The following FAM161A variants were observed in gnomAD, a reference collection of about 807,000 sequenced individuals.
FAM161A encodes FAM161 centrosomal protein A, also known as protein FAM161A.
A neutral mutation model predicts 70.9 loss-of-function variants in FAM161A; 57 were observed. That is an observed-to-expected ratio of 0.80 (90% CI 0.65 to 1.00). The LOEUF is 1.00. Among genes scored for constraint, FAM161A ranks in the 50% least tolerant of loss-of-function variants. The pLI is 0.00. For synonymous variants in FAM161A, 299 were observed against 295.7 expected (o/e 1.01, Z -0.12); for missense variants, 880 against 836.0 (o/e 1.05, Z -0.65).
At chr2:61,837,871 A>C (rs1364353537) in intron 4 of FAM161A, among the ~76,000 whole-genome samples, 1 of 152,248 alleles carries the variant, frequency 6.6e-6, no homozygotes, top group Non-Finnish European at 1.5e-5. Flanking sequence ...ATTATAAAAG[A>C]ATACTCATTG....
the FAM161A span, among the ~76,000 whole-genome samples, chr2:61,807,694 C>T: frequency 8.9e-4 from 128 of 144,238 alleles, no homozygotes; most frequent in Non-Finnish European, 1.5e-3. Context: ...GGCTGGAGTG[C>T]AGTGGCGTGA....
At chr2:61,821,519 A>C (rs1672201960), downstream of FAM161A, among the ~76,000 whole-genome samples, 1 of 152,158 alleles carries the variant, frequency 6.6e-6, no homozygotes, top group African/African-American at 2.4e-5. Flanking sequence ...CTGATTTCTT[A>C]ACTAGAAAAT....
chr2:61,841,113 TC>T (rs1185809014), intron 2 of FAM161A, among the ~76,000 whole-genome samples: 5 of 152,158 alleles, frequency 3.3e-5, no homozygotes, highest in Non-Finnish European at 5.9e-5. Flanking sequence ...TGGCAGAGGG[TC>T]CTTGTGTCTA....
In FAM161A at chr2:61,827,156, G is replaced by A. The variant is rs1275462647; in HGVS notation, c.1954C>T (p.Leu652Phe). The A allele has an allele frequency of 1.2e-6, 2 of 1,613,914 alleles. No individual in the cohort carries two copies. Among genetic ancestry groups the A allele is most frequent in the South Asian group, 2.2e-5 (2 of 91,082 alleles). The change falls in exon 6 of 7, where the codon CTT becomes TTT. Residue 652 changes from leucine to phenylalanine, a missense_variant. Transcript: ENST00000404929. ...GTCTCTTGATTGTTGAAGTACTCAAGTACTTTTCCACTTTGGCCTTTCTTT... is the reference window on the plus strand; with the variant it reads ...GTCTCTTGATTGTTGAAGTACTCAAATACTTTTCCACTTTGGCCTTTCTTT... ...VSKKGQSGKVLEYFNNQETKS... is the reference protein window; with the variant it reads ...VSKKGQSGKVFEYFNNQETKS...
At chr2:61,853,787 G>A in intron 1 of FAM161A, 72 bp downstream of exon 1, 1 of 1,561,260 alleles carries the variant, frequency 6.4e-7, no homozygotes, top group South Asian at 1.1e-5. Context: ...TCAGCTGGGC[G>A]GGGAACCGGA....
chr2:61,811,161 C>G, the FAM161A span, among the ~76,000 whole-genome samples: 1 of 152,102 alleles, frequency 6.6e-6, no homozygotes, highest in African/African-American at 2.4e-5. Context: ...AAGCCACCAG[C>G]AACTCTCACT....
Position 61,854,047 on chromosome 2 carries a change from C to T in FAM161A, c.-6G>A, listed in dbSNP as rs773950650. 7 of 1,600,322 alleles carry T rather than the reference C, an allele frequency of 4.4e-6. No individual in the cohort carries two copies. Among genetic ancestry groups the T allele is most frequent in the South Asian group, 1.1e-5 (1 of 89,392 alleles). ...ACTCGGTGGGAGGTGGCCATCGCCCCGCCTCCGAGGCCTGAGCGCCTGCGC... is the reference window on the plus strand; with the variant it reads ...ACTCGGTGGGAGGTGGCCATCGCCCTGCCTCCGAGGCCTGAGCGCCTGCGC... On this transcript the variant is annotated 5_prime_UTR_variant, in exon 1 of 7. Transcript: ENST00000404929.
At chr2:61,844,987 G>A (rs897612062) in intron 1 of FAM161A, among the ~76,000 whole-genome samples, 3 of 152,172 alleles carry the variant, frequency 2.0e-5, no homozygotes, top group South Asian at 2.1e-4. Flanking sequence ...AAATAAATCC[G>A]AGGCATAGTG....
chr2:61,851,373 G>A (rs1323297474), intron 1 of FAM161A, among the ~76,000 whole-genome samples: 1 of 151,968 alleles, frequency 6.6e-6, no homozygotes, highest in Non-Finnish European at 1.5e-5. Flanking sequence ...GTCTCACTCT[G>A]TTGCCCAGGC....
chr2:61,831,510 T>C (rs908729103), intron 5 of FAM161A, among the ~76,000 whole-genome samples: 3 of 152,218 alleles, frequency 2.0e-5, no homozygotes, highest in Admixed American at 6.5e-5. Flanking sequence ...GTCTTGTTTC[T>C]ATCTGACTTT....
At position 61,840,342 on chromosome 2, in the gene FAM161A, G is replaced by C. The variant is rs2105083270; in HGVS notation, c.662C>G (p.Ala221Gly). Residue 221 changes from alanine (A) to glycine (G), a missense_variant, in exon 3 of 7, where the codon GCA becomes GGA. Physicochemically the swap from Ala to Gly is moderately conservative, Grantham distance 60 (BLOSUM62 0). Coordinates refer to ENST00000404929, the MANE Select transcript of FAM161A (RefSeq NM_001201543.2). ...YIRCKDTGFH[A>G]AEKRRKKRKE... ...TCGTTTCTTCCTTCTTTTTTCAGCT[G>C]CATGGAAGCCAGTATCTTTACAGCG... 6.2e-7 allele frequency: 1 copy of C among 1,613,910 alleles called. No homozygotes were observed. Among genetic ancestry groups the C allele is most frequent in the Middle Eastern group, 1.6e-4 (1 of 6,062 alleles).
chr2:61,804,770 GAAAGAA>G, the FAM161A span, among the ~76,000 whole-genome samples: 1 of 100,130 alleles, frequency 1.0e-5, no homozygotes, highest in African/African-American at 4.1e-5. Context: ...AAAAGAAAGA[GAAAGAA>G]AGAAAGAAAG....
intron 1 of FAM161A, chr2:61,847,095 G>T (rs760301395): frequency 2.9e-6 from 1 of 339,588 alleles, no homozygotes; most frequent in Admixed American, 3.7e-5. Context: ...CCAGGAGGCA[G>T]AGGTTGCAGT....
chr2:61,802,816 G>A, the FAM161A span, among the ~76,000 whole-genome samples: 1 of 152,122 alleles, frequency 6.6e-6, no homozygotes, highest in African/African-American at 2.4e-5. Flanking sequence ...GAGGTAGCAG[G>A]GACTCCTCTT....
chr2:61,851,671 C>G (rs941726137), intron 1 of FAM161A, among the ~76,000 whole-genome samples: 5 of 152,068 alleles, frequency 3.3e-5, no homozygotes, highest in African/African-American at 1.2e-4. Context: ...AGTCATATAA[C>G]AGGATATGTG....
In FAM161A at chr2:61,825,315, G is replaced by A. The variant is rs988208238; in HGVS notation, c.*1140C>T. 2.9e-5 allele frequency: 13 copies of A among 454,064 alleles called. No individual in the cohort carries two copies. The highest frequency in any genetic ancestry group is 5.3e-5 in the Non-Finnish European group (12 of 226,788). The allele number at this position is 454,064 out of a possible 1,614,324, so 28.1% of individuals were successfully genotyped here. A position where few individuals can be genotyped will look rare whatever the true frequency, so the allele number is the denominator to read the frequency against. On this transcript the variant is annotated 3_prime_UTR_variant, in exon 7 of 7. Coordinates refer to ENST00000404929, the MANE Select transcript of FAM161A (RefSeq NM_001201543.2). Reference sequence around the variant, plus strand: ...AATATGTAAAAAGTTGAACACAACTGGGTCTAGCAGTGAAGAGTTAAATCT... The same window carrying A: ...AATATGTAAAAAGTTGAACACAACTAGGTCTAGCAGTGAAGAGTTAAATCT...
At chr2:61,834,507 G>C (rs1282048930) in intron 5 of FAM161A, among the ~76,000 whole-genome samples, 2 of 150,640 alleles carry the variant, frequency 1.3e-5, no homozygotes, top group African/African-American at 4.9e-5. Context: ...TTGTTGCTCA[G>C]GCTGGAGTGC....
At position 61,826,149 on chromosome 2, in the gene FAM161A, G is replaced by GA; in HGVS notation, c.*305dup. ...AGCCATTTTTTCCAGTAAAATTAAT[G>GA]AAATAATGTATATTTTTATAACTAA... is the stretch of plus-strand genomic sequence containing the variant. On this transcript the variant is annotated 3_prime_UTR_variant, in exon 7 of 7. Transcript: ENST00000404929. 1.9e-6 allele frequency: 1 copy of GA among 519,708 alleles called. No individual in the cohort carries two copies. The highest frequency in any genetic ancestry group is 3.7e-6 in the Non-Finnish European group (1 of 271,368). 32.2% of individuals were successfully genotyped at this position (519,708 alleles called of 1,614,324 possible). A position where few individuals can be genotyped will look rare whatever the true frequency, so the allele number is the denominator to read the frequency against.
chr2:61,801,567 G>GT, the FAM161A span, among the ~76,000 whole-genome samples: 1 of 136,494 alleles, frequency 7.3e-6, no homozygotes, highest in Admixed American at 7.2e-5. Flanking sequence ...TGGTTTTTTT[G>GT]GTTTTTTTTT....
Sources: gnomAD v4.1 joint callset for allele counts (sites outside exome capture counted in the v4.1 genomes callset) on GRCh38, gnomAD v4.1.1 for gene constraint, MANE v1.5 for transcripts, NCBI Gene and HGNC (gene_info 2026-07-23, HGNC 2026-07-21) for gene names.